Variants in SLC10A7 observed in about 807,000 individuals in gnomAD.
SLC10A7 encodes solute carrier family 10 member 7.
Under a neutral mutation model 43.2 loss-of-function variants are expected in SLC10A7, and 29 were observed. That is an observed-to-expected ratio of 0.67 (90% CI 0.50 to 0.92). The LOEUF is 0.92. Among genes scored for constraint, SLC10A7 ranks in the 40% least tolerant of loss-of-function variants. The pLI, the probability that SLC10A7 is intolerant of heterozygous loss-of-function variation, is 0.00. For synonymous variants in SLC10A7, 152 were observed against 144.8 expected (o/e 1.05, Z -0.35); for missense variants, 295 against 403.2 (o/e 0.73, Z 2.30).
chr4:146,303,014 C>T (rs761933980), intron 7 of SLC10A7, among the ~76,000 whole-genome samples: 19 of 152,266 alleles, frequency 1.2e-4, no homozygotes, highest in East Asian at 5.8e-4. Context: ...AGTTCCTCTT[C>T]GGGACTTGCC....
chr4:146,448,724 T>A (rs1233982399), intron 4 of SLC10A7, among the ~76,000 whole-genome samples: 1 of 152,188 alleles, frequency 6.6e-6, no homozygotes, highest in African/African-American at 2.4e-5. Context: ...TATGGTTATC[T>A]CAGAATTTCT....
intron 5 of SLC10A7, among the ~76,000 whole-genome samples, chr4:146,329,608 T>C (rs1217643999): frequency 6.6e-6 from 1 of 152,218 alleles, no homozygotes; most frequent in African/African-American, 2.4e-5. Flanking sequence ...AATCTTTGCA[T>C]TGTTAAGTTA....
chr4:146,303,866 ATT>A, intron 7 of SLC10A7, among the ~76,000 whole-genome samples: 1 of 14,232 alleles, frequency 7.0e-5, no homozygotes, highest in South Asian at 1.9e-3. Context: ...TACGATAGAT[ATT>A]ATTGTCATAA....
intron 4 of SLC10A7, among the ~76,000 whole-genome samples, chr4:146,446,551 G>A (rs373409565): frequency 6.7e-5 from 10 of 148,656 alleles, no homozygotes; most frequent in African/African-American, 2.2e-4. Flanking sequence ...ATTCCAGCCC[G>A]GGTGACGGAG....
intron 5 of SLC10A7, among the ~76,000 whole-genome samples, chr4:146,437,725 T>C (rs565771195): frequency 3.4e-4 from 52 of 152,180 alleles, no homozygotes; most frequent in African/African-American, 1.2e-3. Context: ...AATTGAATCT[T>C]ATCTAGTACC....
chr4:146,302,427 T>C (rs540937601), intron 7 of SLC10A7, among the ~76,000 whole-genome samples: 1 of 152,200 alleles, frequency 6.6e-6, no homozygotes, highest in African/African-American at 2.4e-5. Flanking sequence ...ATGGTTCCAG[T>C]ACTCAAGAAG....
intron 4 of SLC10A7, among the ~76,000 whole-genome samples, chr4:146,499,347 G>A (rs988595379): frequency 3.3e-5 from 5 of 152,180 alleles, no homozygotes; most frequent in African/African-American, 1.2e-4. Flanking sequence ...CAGAATCAGG[G>A]CCTTCATCAA....
At chr4:146,419,028 C>T (rs1205056871) in intron 5 of SLC10A7, among the ~76,000 whole-genome samples, 2 of 152,210 alleles carry the variant, frequency 1.3e-5, no homozygotes, top group Admixed American at 6.5e-5. Context: ...ATGCATAAGG[C>T]AAGGCATGTG....
chr4:146,468,581 T>C (rs955275211), intron 4 of SLC10A7, among the ~76,000 whole-genome samples: 4 of 151,730 alleles, frequency 2.6e-5, no homozygotes, highest in African/African-American at 7.3e-5. Flanking sequence ...GCAAGTCTCC[T>C]GCCTCAGCCC....
intron 4 of SLC10A7, among the ~76,000 whole-genome samples, chr4:146,458,195 T>G (rs1019695787): frequency 8.8e-4 from 133 of 151,772 alleles, no homozygotes; most frequent in African/African-American, 3.1e-3. Context: ...TCAAAGCAAT[T>G]CACCTTATCA....
intron 9 of SLC10A7, among the ~76,000 whole-genome samples, chr4:146,290,401 T>C (rs1007847904): frequency 1.3e-5 from 2 of 149,590 alleles, no homozygotes; most frequent in Non-Finnish European, 3.0e-5. Context: ...AATGAGGCTA[T>C]GTGAGAGTTA....
chr4:146,448,082 G>A (rs774919040), intron 4 of SLC10A7, among the ~76,000 whole-genome samples: 6 of 151,924 alleles, frequency 3.9e-5, no homozygotes, highest in Non-Finnish European at 7.4e-5. Flanking sequence ...TGGGGGGAGC[G>A]GTGAGGGATA....
At chr4:146,320,191 G>A (rs1006933341) in intron 6 of SLC10A7, among the ~76,000 whole-genome samples, 2 of 152,212 alleles carry the variant, frequency 1.3e-5, no homozygotes, top group Middle Eastern at 3.4e-3. Context: ...AATGAGACCA[G>A]TCAGCATGGT....
chr4:146,492,098 T>G (rs1226904947), intron 4 of SLC10A7, among the ~76,000 whole-genome samples: 3 of 151,872 alleles, frequency 2.0e-5, no homozygotes, highest in African/African-American at 7.3e-5. Flanking sequence ...CGGGCGCCTG[T>G]AGTCCCAGCT....
chr4:146,459,999 C>A lies in SLC10A7; in HGVS notation c.397-17178G>T, dbSNP rs547553557. On this transcript the variant is annotated intron_variant, in intron 4 of 11. Coordinates refer to ENST00000335472, the MANE Select transcript of SLC10A7 (RefSeq NM_001029998.6). Reference sequence around the variant, plus strand: ...CTCTTACAACTAAATAAGAAGACAACCCCAAGTTTTTAAAAATGGGCAAAA... The same window carrying A: ...CTCTTACAACTAAATAAGAAGACAAACCCAAGTTTTTAAAAATGGGCAAAA... 2.6e-5 allele frequency among the ~76,000 whole-genome samples: 4 copies of A among 151,830 alleles called. No homozygotes were observed. In the East Asian group the frequency reaches 7.7e-4, roughly 29 times the overall value.
intron 11 of SLC10A7, 93 bp from the exon 12 acceptor site, chr4:146,256,613 G>T (rs1468730891): frequency 7.1e-7 from 1 of 1,403,390 alleles, no homozygotes. Context: ...CTATTAGAAG[G>T]AAGAAGAGGC....
chr4:146,456,001 T>A (rs972347860), intron 4 of SLC10A7, among the ~76,000 whole-genome samples: 1 of 151,724 alleles, frequency 6.6e-6, no homozygotes, highest in Non-Finnish European at 1.5e-5. Flanking sequence ...CAATTTGTAA[T>A]ATGTGCTGAT....
At chr4:146,298,784 A>G (rs536042829) in intron 7 of SLC10A7, among the ~76,000 whole-genome samples, 38 of 152,206 alleles carry the variant, frequency 2.5e-4, no homozygotes, top group Non-Finnish European at 5.1e-4. Context: ...TCTCCTAACC[A>G]TCTATGGAAA....
intron 1 of SLC10A7, 70 bp downstream of exon 1, chr4:146,521,548 C>G (rs1738660517): frequency 7.4e-7 from 1 of 1,355,724 alleles, no homozygotes; most frequent in East Asian, 2.4e-5. Flanking sequence ...GGTTGCCCCA[C>G]CTTTCCAAGA....
Sources: gnomAD v4.1 joint callset for allele counts (sites outside exome capture counted in the v4.1 genomes callset) on GRCh38, gnomAD v4.1.1 for gene constraint, MANE v1.5 for transcripts, NCBI Gene and HGNC (gene_info 2026-07-23, HGNC 2026-07-21) for gene names.